Variants in STAG2 observed in about 807,000 individuals in gnomAD.
The protein encoded by STAG2 is cohesin subunit SA-2.
In STAG2, 14 loss-of-function variants were observed where a neutral mutation model predicts 108.1. The ratio of observed to expected loss-of-function variants is 0.13; its 90% CI spans 0.09 to 0.20. STAG2 has a LOEUF of 0.20. Ranked by LOEUF, STAG2 falls within the 10% of genes least tolerant of loss-of-function variation. STAG2 has a pLI of 1.00. For missense variants in STAG2, 440 were observed against 940.9 expected (o/e 0.47, Z 6.96); for synonymous variants, 307 against 302.7 (o/e 1.01, Z -0.15).
rs768937075 is a variant in STAG2, at chrX:124,083,456, C to T, written c.2960C>T (p.Pro987Leu). ...GIEFAFKEPN[P>L]QGESHPPLNL... is the part of the protein sequence containing the mutation. ...GAATTTGCTTTTAAAGAGCCTAATCCGCAAGGGGAGAGCCATCCACCTTTA... is the reference window on the plus strand; with the variant it reads ...GAATTTGCTTTTAAAGAGCCTAATCTGCAAGGGGAGAGCCATCCACCTTTA... The change falls in exon 29 of 35, where the codon CCG becomes CTG. Residue 987 changes from proline (P) to leucine (L), a missense_variant. Pro to Leu is a moderately conservative substitution (Grantham distance 98). This residue lies in a region of STAG2 where 337 missense variants were observed against 649.3 expected (regional missense o/e 0.52). Transcript: ENST00000371145. 4 of 1,193,400 alleles carry T rather than the reference C, an allele frequency of 3.4e-6. No homozygotes were observed. Among genetic ancestry groups the T allele is most frequent in the Admixed American group, 2.3e-5 (1 of 43,737 alleles).
intron 25 of STAG2, among the ~76,000 whole-genome samples, chrX:124,072,516 T>C (rs1251895546): frequency 9.0e-6 from 1 of 111,190 alleles, no homozygotes; most frequent in East Asian, 2.8e-4. Context: ...TTTTCATCTG[T>C]CACTCTAAGC....
chrX:124,099,855 C>G (rs967563268), intron 34 of STAG2, among the ~76,000 whole-genome samples: 1 of 111,407 alleles, frequency 9.0e-6, no homozygotes, highest in African/African-American at 3.3e-5. Flanking sequence ...GAGTCACATG[C>G]CATTCTTGTT....
intron 1 of STAG2, among the ~76,000 whole-genome samples, chrX:123,998,375 T>C (rs1366902237): frequency 8.5e-5 from 9 of 106,470 alleles, no homozygotes; most frequent in Non-Finnish European, 1.4e-4. Context: ...TTTGCCATGT[T>C]GGCCAGGCTG....
Position 124,071,005 on chromosome X carries a change from A to G in STAG2, c.2359-144A>G, listed in dbSNP as rs1041993137. The G allele has an allele frequency of 1.3e-4, 58 of 433,616 alleles. No individual in the cohort carries two copies. The African/African-American group carries it at 1.4e-3, about 10-fold the overall frequency. 35.7% of individuals were successfully genotyped at this position (433,616 alleles called of 1,213,427 possible). On this transcript the variant is annotated intron_variant, in intron 24 of 34. Coordinates refer to ENST00000371145, the MANE Select transcript of STAG2 (RefSeq NM_001042750.2). ...CTTCGCAGCTTTAGAATCTTAGGAA[A>G]ATACTAAACATTGATTTCTCTTAAG...
rs774956406 is a variant in STAG2 at position 124,055,258 on chromosome X, A to G, written c.1197-870A>G. ...AAGCTTTCAGCACAACAGAAAACCA[A>G]AAAGTAAAGAGGATCTGTGTGCTTC... On this transcript the variant is annotated intron_variant, in intron 13 of 34. Transcript: ENST00000371145. Among the ~76,000 whole-genome samples, 4 of 112,747 alleles carry G rather than the reference A, an allele frequency of 3.5e-5. No individual in the cohort carries two copies. In the South Asian group the frequency reaches 1.1e-3, roughly 31 times the overall value.
intron 14 of STAG2, among the ~76,000 whole-genome samples, chrX:124,056,806 A>C (rs1298484025): frequency 9.3e-6 from 1 of 107,494 alleles, no homozygotes; most frequent in South Asian, 4.0e-4. Flanking sequence ...ATACCTAACT[A>C]TATTATAATA....
intron 32 of STAG2, among the ~76,000 whole-genome samples, chrX:124,093,472 CTT>C (rs56165276): frequency 1.2e-3 from 97 of 82,264 alleles, no homozygotes; most frequent in Admixed American, 3.5e-3. Context: ...TCTTATTCAT[CTT>C]TTTTTTTTTT....
intron 21 of STAG2, 85 bp from the exon 22 acceptor site, chrX:124,066,090 A>G: frequency 2.1e-6 from 2 of 968,460 alleles, no homozygotes; most frequent in Non-Finnish European, 2.8e-6. Context: ...GCATTCTGTT[A>G]ACAGTCAAGT....
intron 6 of STAG2, among the ~76,000 whole-genome samples, chrX:124,040,852 C>CTT: frequency 1.1e-5 from 1 of 92,165 alleles, no homozygotes; most frequent in African/African-American, 4.1e-5. Context: ...CTCCTCTTCT[C>CTT]TCTTTTTTTT....
chrX:124,043,172 C>T (rs1281702986), intron 7 of STAG2, among the ~76,000 whole-genome samples: 1 of 104,357 alleles, frequency 9.6e-6, no homozygotes, highest in South Asian at 4.8e-4. Flanking sequence ...CTCACTCTGT[C>T]GCCCAGGCTG....
rs180904372 is a variant in STAG2 at position 123,986,052 on chromosome X, A to T, written c.-163+24196A>T. The stretch of plus-strand genomic sequence containing the variant: ...GTACTCTAACCTCACATATATATAT[A>T]TCATATATATGTGTCATATATCATA... On this transcript the variant is annotated intron_variant, in intron 1 of 34. Transcript: ENST00000371145. Among the ~76,000 whole-genome samples, 28 of 106,098 alleles carry T rather than the reference A, an allele frequency of 2.6e-4. No homozygotes were observed. The East Asian group carries it at 8.0e-3, about 30-fold the overall frequency. The allele number at this position is 106,098 out of a possible 115,157, so 92.1% of individuals were successfully genotyped here.
chrX:124,089,322 C>A (rs898982058), intron 30 of STAG2, among the ~76,000 whole-genome samples: 4 of 112,437 alleles, frequency 3.6e-5, no homozygotes, highest in Non-Finnish European at 5.6e-5. Context: ...AATTCAGTAA[C>A]AATTGTACAC....
rs201600823 is a variant in STAG2, at chrX:124,066,338, C to A, written c.2185-18C>A. 1 of 1,195,659 alleles carries A rather than the reference C, an allele frequency of 8.4e-7. No homozygotes were observed. The highest frequency in any genetic ancestry group is 1.1e-6 in the Non-Finnish European group (1 of 884,492). On this transcript the variant is annotated intron_variant, in intron 22 of 34. Coordinates refer to ENST00000371145, the MANE Select transcript of STAG2 (RefSeq NM_001042750.2). ...GTGACTTTTAAATTTTAACTGTATC[C>A]TTTGATTCTTTTTACAGATTGTTAT...
Position 124,017,947 on chromosome X carries a change from G to A in STAG2, c.-162-3420G>A, listed in dbSNP as rs772093361. On this transcript the variant is annotated intron_variant, in intron 1 of 34. Transcript: ENST00000371145. Reference sequence around the variant, plus strand: ...ATCTAATAATTAATAGCCTTTAATGGCAGCTCACTATACATGTGAACTTAA... The same window carrying A: ...ATCTAATAATTAATAGCCTTTAATGACAGCTCACTATACATGTGAACTTAA... Among the ~76,000 whole-genome samples, 32 of 111,865 alleles carry A rather than the reference G, an allele frequency of 2.9e-4. No individual in the cohort carries two copies. In the South Asian group the frequency reaches 0.012, roughly 40 times the overall value.
intron 5 of STAG2, among the ~76,000 whole-genome samples, chrX:124,035,090 C>T (rs932867332): frequency 5.5e-5 from 6 of 109,839 alleles, no homozygotes; most frequent in African/African-American, 1.0e-4. Context: ...TTGGTAGAGA[C>T]GGAGCTTCAT....
intron 1 of STAG2, among the ~76,000 whole-genome samples, chrX:124,012,743 A>T (rs1364892540): frequency 1.8e-5 from 2 of 112,249 alleles, no homozygotes; most frequent in African/African-American, 6.5e-5. Flanking sequence ...ATTTTGGGTT[A>T]AAATTTTTCA....
chrX:124,053,621 G>T (rs1332351570), intron 13 of STAG2, among the ~76,000 whole-genome samples: 2 of 111,145 alleles, frequency 1.8e-5, no homozygotes, highest in African/African-American at 6.5e-5. Context: ...TTTGGTCCTG[G>T]TACATGAATA....
rs185521887 is a variant in STAG2, at chrX:124,072,024, A to G, written c.2533+701A>G. On this transcript the variant is annotated intron_variant, in intron 25 of 34. Coordinates refer to ENST00000371145, the MANE Select transcript of STAG2 (RefSeq NM_001042750.2). ...GAAGGTATATTTTTTGTTTATTTTT[A>G]TTTTTTAGAAACAGAGTCTCACTCT... is the stretch of plus-strand genomic sequence containing the variant. Among the ~76,000 whole-genome samples the G allele has an allele frequency of 6.8e-3, 748 of 110,764 alleles. 5 individuals are homozygous for G. Among genetic ancestry groups the G allele is most frequent in the African/African-American group, 0.023 (702 of 30,426 alleles).
chrX:124,100,007 AC>A (rs754879831), intron 34 of STAG2, among the ~76,000 whole-genome samples: 4 of 111,168 alleles, frequency 3.6e-5, no homozygotes, highest in Admixed American at 1.9e-4. Context: ...ATTTTACCTT[AC>A]CCTTTTGATT....
Sources: gnomAD v4.1 joint callset for allele counts (sites outside exome capture counted in the v4.1 genomes callset) on GRCh38, gnomAD v4.1.1 for gene constraint, gnomAD v4.1.1 regional missense constraint, MANE v1.5 for transcripts, NCBI Gene and HGNC (gene_info 2026-07-23, HGNC 2026-07-21) for gene names.